ZBTB16: variants seen among roughly 807,000 people sequenced by gnomAD.
ZBTB16 encodes zinc finger and BTB domain-containing protein 16.
In ZBTB16, 8 loss-of-function variants were observed where a neutral mutation model predicts 56.8. The observed-to-expected ratio is 0.14, with a 90% CI of 0.08 to 0.25. The LOEUF is 0.25. ZBTB16 is among the 10% of genes least tolerant of loss of function. The pLI, the probability that ZBTB16 is intolerant of heterozygous loss-of-function variation, is 1.00. For missense variants in ZBTB16, 625 were observed against 903.0 expected (o/e 0.69, Z 3.95); for synonymous variants, 363 against 368.5 (o/e 0.98, Z 0.17).
intron 2 of ZBTB16, among the ~76,000 whole-genome samples, chr11:114,108,833 G>T (rs1229907673): frequency 2.6e-5 from 4 of 152,232 alleles, no homozygotes; most frequent in African/African-American, 9.6e-5. Flanking sequence ...ATCAAATGCA[G>T]GTTTTCCCGA....
In ZBTB16 at chr11:114,255,518, A is replaced by G. The variant is rs961160381; in HGVS notation, c.*4963A>G. Among the ~76,000 whole-genome samples the G allele has an allele frequency of 4.1e-5, 5 of 122,532 alleles. No individual in the cohort carries two copies. Among genetic ancestry groups the G allele is most frequent in the Non-Finnish European group, 8.2e-5 (5 of 60,848 alleles). The allele number at this position is 122,532 out of a possible 152,430, so 80.4% of individuals were successfully genotyped here. A position where few individuals can be genotyped will look rare whatever the true frequency, so the allele number is the denominator to read the frequency against. On this transcript the variant is annotated 3_prime_UTR_variant, in exon 7 of 7. Coordinates refer to ENST00000335953, the MANE Select transcript of ZBTB16 (RefSeq NM_006006.6). Reference sequence around the variant, plus strand: ...TCCCCGTCTCATTTCTGTCCACTCCATTCTCTCTCCCTCTCTCCTGCCTCC... The same window carrying G: ...TCCCCGTCTCATTTCTGTCCACTCCGTTCTCTCTCCCTCTCTCCTGCCTCC...
chr11:114,082,568 C>G (rs941702918), intron 2 of ZBTB16, among the ~76,000 whole-genome samples: 1 of 152,158 alleles, frequency 6.6e-6, no homozygotes, highest in Non-Finnish European at 1.5e-5. Flanking sequence ...ATCCACTAGG[C>G]ATGTGTCTGA....
At chr11:114,158,853 T>C (rs909297244) in intron 3 of ZBTB16, among the ~76,000 whole-genome samples, 8 of 152,246 alleles carry the variant, frequency 5.3e-5, no homozygotes, top group Non-Finnish European at 8.8e-5. Flanking sequence ...GAAGTATTTG[T>C]TGAGTGAATG....
intron 3 of ZBTB16, among the ~76,000 whole-genome samples, chr11:114,172,760 C>T (rs75836508): frequency 0.041 from 6,277 of 152,276 alleles, 163 homozygotes; most frequent in African/African-American, 0.069. Context: ...TTACACCAAA[C>T]AAACCTTTCT....
intron 4 of ZBTB16, chr11:114,209,761 G>A (rs1943958035): frequency 2.0e-6 from 2 of 985,306 alleles, no homozygotes; most frequent in Admixed American, 1.2e-4. Flanking sequence ...TGCCACTTCA[G>A]GAGTACACCA....
At chr11:114,071,876 T>G (rs1939361211) in intron 2 of ZBTB16, among the ~76,000 whole-genome samples, 1 of 152,224 alleles carries the variant, frequency 6.6e-6, no homozygotes, top group Non-Finnish European at 1.5e-5. Context: ...ACTGTCCAGG[T>G]CAGACTTCTG....
chr11:114,117,242 T>C (rs1941199896), intron 2 of ZBTB16, among the ~76,000 whole-genome samples: 1 of 152,004 alleles, frequency 6.6e-6, no homozygotes, highest in Admixed American at 6.6e-5. Flanking sequence ...GGAGGTATGG[T>C]TGTGAGCCTA....
chr11:114,242,803 G>C (rs1944738673), intron 5 of ZBTB16, among the ~76,000 whole-genome samples: 1 of 152,182 alleles, frequency 6.6e-6, no homozygotes, highest in African/African-American at 2.4e-5. Flanking sequence ...TCAGCTTCGG[G>C]CTTCTGAGGG....
chr11:114,149,062 C>A (rs1463328306), intron 2 of ZBTB16, among the ~76,000 whole-genome samples: 1 of 151,972 alleles, frequency 6.6e-6, no homozygotes, highest in African/African-American at 2.4e-5. Context: ...TGGTATGGAC[C>A]CTTATGCAGG....
intron 2 of ZBTB16, among the ~76,000 whole-genome samples, chr11:114,094,820 G>A (rs1012545280): frequency 1.3e-5 from 2 of 152,222 alleles, no homozygotes; most frequent in African/African-American, 2.4e-5. Context: ...GTCGTCAGCC[G>A]AAAGCTGTTC....
chr11:114,254,500 C>T lies in ZBTB16; in HGVS notation c.*3945C>T, dbSNP rs762423209. ...GATGGAAGAGGGCCATTGAGCTTAC[C>T]TCCCTATAGGGGAGAGAGCAGAGGT... is the stretch of plus-strand genomic sequence containing the variant. On this transcript the variant is annotated 3_prime_UTR_variant, in exon 7 of 7. Transcript: ENST00000335953. Among the ~76,000 whole-genome samples, 1 of 152,210 alleles carries T rather than the reference C, an allele frequency of 6.6e-6. No homozygotes were observed. Among genetic ancestry groups the T allele is most frequent in the Non-Finnish European group, 1.5e-5 (1 of 68,036 alleles).
At chr11:114,244,423 G>A (rs1163070669) in intron 5 of ZBTB16, among the ~76,000 whole-genome samples, 1 of 152,042 alleles carries the variant, frequency 6.6e-6, no homozygotes, top group Non-Finnish European at 1.5e-5. Context: ...AATTAGTCTC[G>A]TTTGTCCTGC....
At chr11:114,070,417 T>C (rs890231919) in intron 2 of ZBTB16, among the ~76,000 whole-genome samples, 3 of 152,208 alleles carry the variant, frequency 2.0e-5, no homozygotes, top group African/African-American at 2.4e-5. Context: ...CCAGAGTACC[T>C]TTCTAAAGTC....
At chr11:114,193,759 G>A (rs189193646) in intron 4 of ZBTB16, among the ~76,000 whole-genome samples, 2 of 152,298 alleles carry the variant, frequency 1.3e-5, no homozygotes, top group Non-Finnish European at 2.9e-5. Flanking sequence ...GGGAGAGTAG[G>A]TAGGGAAGAG....
intron 2 of ZBTB16, among the ~76,000 whole-genome samples, chr11:114,070,103 T>C (rs1398170130): frequency 5.8e-5 from 8 of 137,666 alleles, no homozygotes; most frequent in Admixed American, 4.4e-4. Context: ...TCTTTTTTTT[T>C]TTTTTTTTTT....
intron 4 of ZBTB16, among the ~76,000 whole-genome samples, chr11:114,202,432 G>A (rs1943757555): frequency 6.6e-6 from 1 of 152,150 alleles, no homozygotes; most frequent in South Asian, 2.1e-4. Flanking sequence ...TCTGGCTTTG[G>A]ACACTGTTAT....
At chr11:114,181,754 G>A (rs1943254941) in intron 3 of ZBTB16, among the ~76,000 whole-genome samples, 1 of 152,136 alleles carries the variant, frequency 6.6e-6, no homozygotes, top group Non-Finnish European at 1.5e-5. Context: ...ATCTGTGATT[G>A]CTGTGGTTAG....
At chr11:114,105,304 G>T (rs947747373) in intron 2 of ZBTB16, among the ~76,000 whole-genome samples, 1 of 151,346 alleles carries the variant, frequency 6.6e-6, no homozygotes, top group East Asian at 1.9e-4. Context: ...GCGCTGGCAC[G>T]ATCTCGGCTC....
At chr11:114,152,189 A>C (rs1050508339) in intron 2 of ZBTB16, among the ~76,000 whole-genome samples, 3 of 152,202 alleles carry the variant, frequency 2.0e-5, no homozygotes, top group South Asian at 2.1e-4. Context: ...ATCCTTGATC[A>C]ATCCCTTTTG....
Sources: allele counts gnomAD v4.1 joint callset (sites outside exome capture counted in the v4.1 genomes callset), GRCh38; gene constraint gnomAD v4.1.1; transcripts MANE v1.5; gene names NCBI Gene and HGNC (gene_info 2026-07-23, HGNC 2026-07-21).